ARHGEF28: variants seen among roughly 807,000 people sequenced by gnomAD.
ARHGEF28 encodes Rho guanine nucleotide exchange factor 28.
ARHGEF28 carries 152 observed loss-of-function variants against 206.6 expected under a neutral mutation model. The observed-to-expected ratio is 0.74, with a 90% confidence interval of 0.64 to 0.84. ARHGEF28 has a LOEUF of 0.84. Ranked by LOEUF, ARHGEF28 falls within the 40% of genes least tolerant of loss-of-function variation. ARHGEF28 has a pLI of 0.00. For synonymous variants in ARHGEF28, 763 were observed against 776.4 expected, an observed-to-expected ratio of 0.98 and a Z score of 0.29; for missense variants, 2,028 against 2,073.2, an observed-to-expected ratio of 0.98 and a Z score of 0.42.
Position 73,752,909 on chromosome 5 carries a change from G to A in ARHGEF28, c.182G>A (p.Gly61Asp). The change falls in exon 4 of 36, where the codon GGC (glycine) becomes GAC (aspartate). Residue 61 changes from glycine (G) to aspartate (D), a missense_variant and splice_region_variant. By Grantham distance (94) the Gly-to-Asp change is moderately conservative. This residue lies in a region of ARHGEF28 where 1,002 missense variants were observed against 1,015.3 expected (regional missense o/e 0.99). Coordinates refer to ENST00000513042, the MANE Select transcript of ARHGEF28 (RefSeq NM_001177693.2). The part of the protein sequence containing the change: ...EDNVLQSSVP[G>D]HGLQETVTVS... The stretch of plus-strand genomic sequence containing the variant: ...AACTGTTCACTGTCTTGTTGTCCAG[G>A]CCATGGGCTTCAGGAGACGGTGACG... 6.2e-7 allele frequency: 1 copy of A among 1,613,702 alleles called. No homozygotes were observed. Among genetic ancestry groups the A allele is most frequent in the Non-Finnish European group, 8.5e-7 (1 of 1,179,786 alleles).
At chr5:73,690,432 G>A (rs1747739119) in intron 2 of ARHGEF28, among the ~76,000 whole-genome samples, 2 of 149,216 alleles carry the variant, frequency 1.3e-5, no homozygotes, top group African/African-American at 5.0e-5. Context: ...AATTGGCTGT[G>A]TGTGGTGGCA....
chr5:73,654,929 A>C (rs144015782), intron 1 of ARHGEF28, among the ~76,000 whole-genome samples: 151 of 152,290 alleles, frequency 9.9e-4, no homozygotes, highest in Middle Eastern at 3.4e-3. Context: ...CAGATGGTGC[A>C]TTCATCTGGT....
intron 35 of ARHGEF28, among the ~76,000 whole-genome samples, chr5:73,914,378 A>G (rs985412388): frequency 7.5e-5 from 11 of 146,914 alleles, no homozygotes; most frequent in Non-Finnish European, 1.3e-4. Flanking sequence ...ATTACACTAT[A>G]CATTCTGAAT....
intron 35 of ARHGEF28, among the ~76,000 whole-genome samples, chr5:73,918,772 A>G (rs1299816819): frequency 6.6e-6 from 1 of 152,202 alleles, no homozygotes; most frequent in African/African-American, 2.4e-5. Context: ...ATACATGGAT[A>G]GGAATTTGTT....
intron 34 of ARHGEF28, 47 bp downstream of exon 34, chr5:73,909,944 G>C: frequency 2.7e-6 from 4 of 1,472,664 alleles, no homozygotes; most frequent in Non-Finnish European, 3.6e-6. Context: ...AAAGACAGGG[G>C]TGGGCCTGGG....
chr5:73,934,313 C>A (rs1026884972), intron 35 of ARHGEF28, among the ~76,000 whole-genome samples: 4 of 152,106 alleles, frequency 2.6e-5, no homozygotes, highest in Non-Finnish European at 4.4e-5. Context: ...AAATAATATA[C>A]ATAGATGGTG....
At chr5:73,699,593 G>T (rs537621049) in intron 2 of ARHGEF28, among the ~76,000 whole-genome samples, 3 of 152,270 alleles carry the variant, frequency 2.0e-5, no homozygotes, top group Non-Finnish European at 4.4e-5. Context: ...CTCTTTGTGG[G>T]CCATCTGGGT....
intron 10 of ARHGEF28, 40 bp downstream of exon 10, chr5:73,832,499 C>T (rs749114339): frequency 3.8e-6 from 6 of 1,594,930 alleles, no homozygotes; most frequent in Non-Finnish European, 5.1e-6. Context: ...TTCTACCTCT[C>T]TCCAAAACCT....
intron 31 of ARHGEF28, chr5:73,903,365 T>C (rs1309448107): frequency 6.6e-6 from 1 of 152,174 alleles, no homozygotes; most frequent in African/African-American, 2.4e-5. Flanking sequence ...GTCATTCACT[T>C]GTTGAGTGTC....
intron 1 of ARHGEF28, among the ~76,000 whole-genome samples, chr5:73,647,680 T>C (rs1261798940): frequency 6.6e-6 from 1 of 152,258 alleles, no homozygotes; most frequent in Non-Finnish European, 1.5e-5. Flanking sequence ...GGCTACCATA[T>C]TGGACAGAAC....
intron 2 of ARHGEF28, among the ~76,000 whole-genome samples, chr5:73,714,024 G>C (rs1282008580): frequency 6.6e-6 from 1 of 152,164 alleles, no homozygotes; most frequent in Non-Finnish European, 1.5e-5. Context: ...GGAATGAGCT[G>C]GGTGGTACAG....
intron 2 of ARHGEF28, among the ~76,000 whole-genome samples, chr5:73,721,775 G>A (rs1010837270): frequency 4.6e-5 from 7 of 152,068 alleles, no homozygotes; most frequent in African/African-American, 1.4e-4. Flanking sequence ...TGCCCTAGAG[G>A]TTTTATTTAT....
intron 1 of ARHGEF28, among the ~76,000 whole-genome samples, chr5:73,655,720 G>A (rs1246522051): frequency 6.6e-6 from 1 of 152,164 alleles, no homozygotes; most frequent in Non-Finnish European, 1.5e-5. Flanking sequence ...GGTCCACAGG[G>A]AGCCAGGGGT....
intron 29 of ARHGEF28, among the ~76,000 whole-genome samples, chr5:73,895,414 C>T (rs1171147487): frequency 6.6e-6 from 1 of 152,058 alleles, no homozygotes; most frequent in Non-Finnish European, 1.5e-5. Context: ...CTAACTCATT[C>T]AGGGAAGGCA....
At chr5:73,739,323 AG>A (rs912648996) in intron 2 of ARHGEF28, among the ~76,000 whole-genome samples, 7 of 152,198 alleles carry the variant, frequency 4.6e-5, no homozygotes, top group African/African-American at 1.7e-4. Flanking sequence ...TAATCCTTTT[AG>A]ATTTCATACT....
At chr5:73,859,013 T>C (rs1335014852) in intron 16 of ARHGEF28, among the ~76,000 whole-genome samples, 3 of 152,132 alleles carry the variant, frequency 2.0e-5, no homozygotes, top group African/African-American at 7.2e-5. Context: ...CAACACTCTT[T>C]CCTCAGATAC....
chr5:73,642,913 G>T (rs981327495), intron 1 of ARHGEF28, among the ~76,000 whole-genome samples: 2 of 152,088 alleles, frequency 1.3e-5, no homozygotes, highest in Admixed American at 1.3e-4. Context: ...TAATATCTAT[G>T]TAAACTTCAA....
intron 9 of ARHGEF28, among the ~76,000 whole-genome samples, chr5:73,808,407 C>T (rs146801358): frequency 7.9e-5 from 12 of 152,272 alleles, no homozygotes; most frequent in Middle Eastern, 3.4e-3. Flanking sequence ...AGCGTCTTGG[C>T]ACAAGGGTAA....
At chr5:73,661,388 C>G (rs1745591580) in intron 1 of ARHGEF28, among the ~76,000 whole-genome samples, 1 of 152,140 alleles carries the variant, frequency 6.6e-6, no homozygotes, top group Non-Finnish European at 1.5e-5. Flanking sequence ...CTCAAACTTT[C>G]TCCGTATCAG....
Sources: allele counts gnomAD v4.1 joint callset (sites outside exome capture counted in the v4.1 genomes callset), GRCh38; gene constraint gnomAD v4.1.1; regional missense constraint gnomAD v4.1.1; transcripts MANE v1.5; gene names NCBI Gene and HGNC (gene_info 2026-07-23, HGNC 2026-07-21).